BMP5: variants seen among roughly 807,000 people sequenced by gnomAD.
BMP5 encodes the protein bone morphogenetic protein 5.
A neutral mutation model predicts 46.6 loss-of-function variants in BMP5; 23 were observed. That is an observed-to-expected ratio of 0.49 (90% CI 0.35 to 0.70). The LOEUF (loss-of-function observed/expected upper bound fraction) is 0.70, where lower values mean the gene tolerates loss of function less well. Among genes scored for constraint, BMP5 ranks in the 30% least tolerant of loss-of-function variants. The pLI is 0.00. For missense variants in BMP5, 545 were observed against 565.6 expected (o/e 0.96, Z 0.37); for synonymous variants, 204 against 191.9 (o/e 1.06, Z -0.52).
intron 1 of BMP5, among the ~76,000 whole-genome samples, chr6:55,857,018 T>C (rs1309679544): frequency 6.6e-6 from 1 of 152,176 alleles, no homozygotes; most frequent in Admixed American, 6.5e-5. Context: ...CTGCCGAAGC[T>C]TTGTAAAGTT....
intron 1 of BMP5, among the ~76,000 whole-genome samples, chr6:55,825,253 G>A (rs1322187234): frequency 2.6e-5 from 4 of 151,832 alleles, no homozygotes; most frequent in East Asian, 1.9e-4. Flanking sequence ...CTTCTAGGGA[G>A]CAGGTTTCTT....
At chr6:55,856,292 A>G (rs1378184052) in intron 1 of BMP5, among the ~76,000 whole-genome samples, 1 of 152,160 alleles carries the variant, frequency 6.6e-6, no homozygotes, top group African/African-American at 2.4e-5. Flanking sequence ...AGGATGTTTA[A>G]GTTGTTTCCA....
chr6:55,828,294 T>C (rs535618729), intron 1 of BMP5, among the ~76,000 whole-genome samples: 1 of 151,920 alleles, frequency 6.6e-6, no homozygotes, highest in South Asian at 2.1e-4. Flanking sequence ...ATTGGGACTA[T>C]CAAATGTGGT....
At chr6:55,813,408 G>A (rs911486778) in intron 2 of BMP5, among the ~76,000 whole-genome samples, 4 of 151,800 alleles carry the variant, frequency 2.6e-5, no homozygotes, top group Non-Finnish European at 5.9e-5. Flanking sequence ...ATTTAAAATA[G>A]TATAATAATG....
chr6:55,785,983 T>C (rs1226270239), intron 3 of BMP5, among the ~76,000 whole-genome samples: 6 of 151,778 alleles, frequency 4.0e-5, no homozygotes, highest in Non-Finnish European at 5.9e-5. Context: ...AATCTTATTA[T>C]AGATTTTCAA....
At chr6:55,759,254 T>G (rs1209704944) in intron 5 of BMP5, 139 bp from the exon 6 acceptor site, 3 of 602,298 alleles carry the variant, frequency 5.0e-6, no homozygotes, top group Non-Finnish European at 8.6e-6. Flanking sequence ...ATATTGTATC[T>G]GAATAGGTTT....
At position 55,867,612 on chromosome 6, in the gene BMP5, C is replaced by T. The variant is rs538856561; in HGVS notation, c.490+6764G>A. Among the ~76,000 whole-genome samples, 23 of 152,218 alleles carry T rather than the reference C, an allele frequency of 1.5e-4. No homozygotes were observed. In the East Asian group the frequency reaches 4.1e-3, roughly 27 times the overall value. On this transcript the variant is annotated intron_variant, in intron 1 of 6. Coordinates refer to ENST00000370830, the MANE Select transcript of BMP5 (RefSeq NM_021073.4). ...ACTAGCATCACGGGCAAGTGACCTG[C>T]GCAGTTGCACAGGGTCCCGGGCTTA...
intron 1 of BMP5, among the ~76,000 whole-genome samples, chr6:55,835,565 T>C (rs753579716): frequency 2.0e-5 from 3 of 152,216 alleles, no homozygotes; most frequent in Admixed American, 1.3e-4. Context: ...GCAGCTTTCA[T>C]TGTTAACAAT....
At chr6:55,827,873 T>C (rs992754474) in intron 1 of BMP5, among the ~76,000 whole-genome samples, 1 of 151,860 alleles carries the variant, frequency 6.6e-6, no homozygotes, top group Non-Finnish European at 1.5e-5. Context: ...TTTGAGAATG[T>C]TTTGTGTTTA....
rs577605289 is a variant in BMP5, at chr6:55,807,610, G to T, written c.683+12045C>A. 3.3e-5 allele frequency among the ~76,000 whole-genome samples: 5 copies of T among 152,230 alleles called. No homozygotes were observed. In the South Asian group the frequency reaches 8.3e-4, roughly 25 times the overall value. On this transcript the variant is annotated intron_variant, in intron 2 of 6. Transcript: ENST00000370830. ...AGGAAGGACTCATCCCTTTTCAATT[G>T]TTTGAAATAGTAGCTAAAGGAATGG...
chr6:55,868,176 C>CAGGA (rs1398564566), intron 1 of BMP5, among the ~76,000 whole-genome samples: 2 of 152,098 alleles, frequency 1.3e-5, no homozygotes, highest in Non-Finnish European at 2.9e-5. Flanking sequence ...GTGTTATAGT[C>CAGGA]CTGAATAAAA....
At position 55,868,230 on chromosome 6, in the gene BMP5, A is replaced by G. The variant is rs554101458; in HGVS notation, c.490+6146T>C. Among the ~76,000 whole-genome samples the G allele has an allele frequency of 8.5e-5, 13 of 152,230 alleles. No homozygotes were observed. In the South Asian group the frequency reaches 2.3e-3, roughly 27 times the overall value. The stretch of plus-strand genomic sequence containing the variant: ...CTGTTGATCCTGACATTTTAAAACT[A>G]TTTTCTTTATTCCTAACAACTCCAG... On this transcript the variant is annotated intron_variant, in intron 1 of 6. Coordinates refer to ENST00000370830, the MANE Select transcript of BMP5 (RefSeq NM_021073.4).
At chr6:55,846,790 C>T (rs903899828) in intron 1 of BMP5, among the ~76,000 whole-genome samples, 2 of 151,250 alleles carry the variant, frequency 1.3e-5, no homozygotes, top group Non-Finnish European at 3.0e-5. Context: ...TTGTTTTATC[C>T]ACCAGAGTAA....
Position 55,819,817 on chromosome 6 carries a change from C to G in BMP5, c.521G>C (p.Arg174Pro). 1 of 1,613,544 alleles carries G rather than the reference C, an allele frequency of 6.2e-7. No homozygotes were observed. Among genetic ancestry groups the G allele is most frequent in the Non-Finnish European group, 8.5e-7 (1 of 1,179,852 alleles). ...VERDKDFSHQ[R>P]RHYKEFRFDL... ...AAATCGAAATTCTTTGTAATGCCTT[C>G]GCTGGTGAGAAAAATCCTTGTCTCT... The change falls in exon 2 of 7, where the codon CGA (arginine) becomes CCA (proline). Residue 174 changes from arginine to proline, a missense_variant. Arg to Pro is a moderately radical substitution (Grantham distance 103). Transcript: ENST00000370830.
At chr6:55,772,906 G>T in intron 4 of BMP5, 2 of 985,020 alleles carry the variant, frequency 2.0e-6, no homozygotes, top group Non-Finnish European at 2.4e-6. Context: ...GTTTTATGGA[G>T]CGTCTCTGAG....
At chr6:55,767,357 G>T (rs1774938188) in intron 4 of BMP5, among the ~76,000 whole-genome samples, 1 of 151,890 alleles carries the variant, frequency 6.6e-6, no homozygotes, top group Admixed American at 6.6e-5. Flanking sequence ...CACTTAATGA[G>T]CATTTGCCGT....
chr6:55,755,446 A>C lies in BMP5; in HGVS notation c.*87T>G, dbSNP rs1385481046. On this transcript the variant is annotated 3_prime_UTR_variant, in exon 7 of 7. Transcript: ENST00000370830. ...AAAATGAGCCAGACTAATTTTAGGA[A>C]ATTCCCCGTTTGTCTGAAAGTATGC... 2 of 1,334,804 alleles carry C rather than the reference A, an allele frequency of 1.5e-6. No homozygotes were observed. Among genetic ancestry groups the C allele is most frequent in the Admixed American group, 3.8e-5 (2 of 52,526 alleles). The allele number at this position is 1,334,804 out of a possible 1,614,324, so 82.7% of individuals were successfully genotyped here.
intron 1 of BMP5, among the ~76,000 whole-genome samples, chr6:55,822,814 T>G (rs1327287913): frequency 1.3e-5 from 2 of 152,134 alleles, no homozygotes; most frequent in African/African-American, 4.8e-5. Flanking sequence ...GCTATTTAAC[T>G]TAAACCCTTA....
chr6:55,865,514 T>TGAC (rs1247168144), intron 1 of BMP5: 15 of 432,256 alleles, frequency 3.5e-5, no homozygotes, highest in Non-Finnish European at 6.9e-5. Flanking sequence ...TGACATAGAC[T>TGAC]GACCTTTTCC....
Sources: gnomAD v4.1 joint callset for allele counts (sites outside exome capture counted in the v4.1 genomes callset) on GRCh38, gnomAD v4.1.1 for gene constraint, MANE v1.5 for transcripts, NCBI Gene and HGNC (gene_info 2026-07-23, HGNC 2026-07-21) for gene names.